Variants in RNF19B observed in about 807,000 individuals in gnomAD.
RNF19B encodes the protein ring finger protein 19B.
RNF19B carries 23 observed loss-of-function variants against 65.5 expected under a neutral mutation model. The observed-to-expected ratio is 0.35, with a 90% CI of 0.25 to 0.50. The LOEUF (loss-of-function observed/expected upper bound fraction) is 0.50. RNF19B is among the 20% of genes least tolerant of loss of function. RNF19B has a pLI of 0.98. For synonymous variants in RNF19B, 372 were observed against 379.6 expected (o/e 0.98, Z 0.23); for missense variants, 794 against 980.0 (o/e 0.81, Z 2.53).
At chr1:32,946,935 T>A (rs758842475) in intron 3 of RNF19B, among the ~76,000 whole-genome samples, 4 of 152,216 alleles carry the variant, frequency 2.6e-5, no homozygotes, top group Admixed American at 2.6e-4. Flanking sequence ...CCTGCACTAA[T>A]GAACACTCTG....
chr1:32,935,406 T>C (rs1462462813), downstream of RNF19B, among the ~76,000 whole-genome samples: 1 of 152,224 alleles, frequency 6.6e-6, no homozygotes, highest in East Asian at 1.9e-4. Context: ...CCCAAAGTGC[T>C]GGGATTACAG....
At chr1:32,959,155 T>C (rs1235087382) in intron 1 of RNF19B, among the ~76,000 whole-genome samples, 1 of 152,134 alleles carries the variant, frequency 6.6e-6, no homozygotes, top group Non-Finnish European at 1.5e-5. Context: ...AGTCTAGTTG[T>C]CTGGGAAGGC....
chr1:32,958,339 C>A lies in RNF19B; in HGVS notation c.635+5712G>T, dbSNP rs546080660. Among the ~76,000 whole-genome samples, 86 of 152,274 alleles carry A rather than the reference C, an allele frequency of 5.6e-4. 1 individual carries two copies. Among genetic ancestry groups the A allele is most frequent in the Admixed American group, 2.7e-3 (41 of 15,286 alleles). The stretch of plus-strand genomic sequence containing the variant: ...AGTATTTTCCAAGCTTATTTCCTCA[C>A]AAAACATTTTTCTTTCAAGTAATGC... On this transcript the variant is annotated intron_variant, in intron 1 of 8. Coordinates refer to ENST00000235150, the MANE Select transcript of RNF19B (RefSeq NM_001300826.2).
the RNF19B span, among the ~76,000 whole-genome samples, chr1:32,930,357 G>A: frequency 6.7e-6 from 1 of 148,212 alleles, no homozygotes; most frequent in East Asian, 2.0e-4. Flanking sequence ...TGATCCATCC[G>A]CCTCGGCCTC....
intron 7 of RNF19B, among the ~76,000 whole-genome samples, chr1:32,941,066 T>C (rs1204499441): frequency 6.6e-6 from 1 of 151,794 alleles, no homozygotes; most frequent in Non-Finnish European, 1.5e-5. Context: ...CTACAAAAAA[T>C]TTAAAATGTT....
At chr1:32,956,201 C>T (rs1642635412) in intron 1 of RNF19B, among the ~76,000 whole-genome samples, 1 of 151,770 alleles carries the variant, frequency 6.6e-6, no homozygotes. Context: ...CCCCTCTCTA[C>T]TAAAAATACA....
intron 1 of RNF19B, among the ~76,000 whole-genome samples, chr1:32,961,107 A>G (rs1246994599): frequency 6.6e-6 from 1 of 152,240 alleles, no homozygotes; most frequent in Admixed American, 6.5e-5. Context: ...GTTACTCCCT[A>G]TAACCACTTT....
At chr1:32,963,875 C>A (rs1642832871) in intron 1 of RNF19B, among the ~76,000 whole-genome samples, 176 bp downstream of exon 1, 1 of 152,210 alleles carries the variant, frequency 6.6e-6, no homozygotes, top group South Asian at 2.1e-4. Flanking sequence ...GGGCAGGGGG[C>A]GGGGTGTCGG....
chr1:32,943,743 G>C (rs1435210355), intron 6 of RNF19B, among the ~76,000 whole-genome samples: 1 of 152,158 alleles, frequency 6.6e-6, no homozygotes, highest in Non-Finnish European at 1.5e-5. Flanking sequence ...GTACTGTGCA[G>C]ATATAAAGAT....
rs190353480 is a variant in RNF19B at position 32,936,654 on chromosome 1, G to T, written c.*152C>A. The T allele has an allele frequency of 9.4e-5, 72 of 765,724 alleles. No homozygotes were observed. In the Admixed American group the frequency reaches 2.0e-3, roughly 21 times the overall value. The allele number at this position is 765,724 out of a possible 1,614,324, so 47.4% of individuals were successfully genotyped here. A position where few individuals can be genotyped will look rare whatever the true frequency, so the allele number is the denominator to read the frequency against. ...CATGTTTTATCTGGTAAGAAATTGT[G>T]AATTTCTCAGAATTTCCCTGGGCAA... On this transcript the variant is annotated 3_prime_UTR_variant, in exon 9 of 9. Coordinates refer to ENST00000235150, the MANE Select transcript of RNF19B (RefSeq NM_001300826.2).
chr1:32,932,407 CCT>C (rs1162062036), downstream of RNF19B, among the ~76,000 whole-genome samples: 5 of 152,162 alleles, frequency 3.3e-5, no homozygotes, highest in Non-Finnish European at 7.3e-5. Context: ...AAAGATAACC[CCT>C]GAATCACTCC....
chr1:32,964,336 AC>A lies in RNF19B; in HGVS notation c.349del (p.Val117TrpfsTer38). ...AEGGGPGAEE[V>X]ECPLCLVRLP... ...CCGCACCAGGCACAGCGGACACTCCACCTCCTCCGCGCCCGGGCCACCGCCC... is the reference window on the plus strand; with the variant it reads ...CCGCACCAGGCACAGCGGACACTCCACTCCTCCGCGCCCGGGCCACCGCCC... On this transcript the variant is annotated frameshift_variant, in exon 1 of 9. Coordinates refer to ENST00000235150, the MANE Select transcript of RNF19B (RefSeq NM_001300826.2). LOFTEE classifies it high-confidence loss of function. The surrounding 1 kb of genome is among the most constrained non-coding windows in gnomAD (Gnocchi z 6.5). The A allele has an allele frequency of 6.9e-7, 1 of 1,452,592 alleles. No homozygotes were observed. Among genetic ancestry groups the A allele is most frequent in the Non-Finnish European group, 9.0e-7 (1 of 1,107,428 alleles). The allele number at this position is 1,452,592 out of a possible 1,614,324, so 90.0% of individuals were successfully genotyped here. A position where few individuals can be genotyped will look rare whatever the true frequency, so the allele number is the denominator to read the frequency against.
intron 1 of RNF19B, among the ~76,000 whole-genome samples, chr1:32,963,798 T>A (rs1235461824): frequency 2.7e-5 from 4 of 150,580 alleles, no homozygotes; most frequent in African/African-American, 7.3e-5. Context: ...AAACCGCCTC[T>A]CCCTGTCTCC....
chr1:32,962,392 G>A lies in RNF19B; in HGVS notation c.635+1659C>T, dbSNP rs570192908. ...CATAGACAGTTCCATGAACCTAAAA[G>A]GTCCTTCCTGATACTTATTAACTGA... is the stretch of plus-strand genomic sequence containing the variant. On this transcript the variant is annotated intron_variant, in intron 1 of 8. Coordinates refer to ENST00000235150, the MANE Select transcript of RNF19B (RefSeq NM_001300826.2). Among the ~76,000 whole-genome samples the A allele has an allele frequency of 2.0e-5, 3 of 152,262 alleles. No homozygotes were observed. The East Asian group carries it at 5.8e-4, about 29-fold the overall frequency.
chr1:32,958,670 T>G (rs1642699594), intron 1 of RNF19B, among the ~76,000 whole-genome samples: 1 of 151,572 alleles, frequency 6.6e-6, no homozygotes, highest in Non-Finnish European at 1.5e-5. Context: ...GAGCCGAGAT[T>G]GCACCACTGC....
chr1:32,946,930 A>T lies in RNF19B; in HGVS notation c.984-366T>A, dbSNP rs574018310. 3.3e-5 allele frequency among the ~76,000 whole-genome samples: 5 copies of T among 152,332 alleles called. 1 individual carries two copies. The South Asian group carries it at 1.0e-3, about 32-fold the overall frequency. On this transcript the variant is annotated intron_variant, in intron 3 of 8. Coordinates refer to ENST00000235150, the MANE Select transcript of RNF19B (RefSeq NM_001300826.2). Reference sequence around the variant, plus strand: ...CCCATCCAGACACACTGCACCCTGCACTAATGAACACTCTGATTTGTGTAG... The same window carrying T: ...CCCATCCAGACACACTGCACCCTGCTCTAATGAACACTCTGATTTGTGTAG...
At chr1:32,952,962 ATTTTTTTT>A (rs71278768) in intron 1 of RNF19B, among the ~76,000 whole-genome samples, 18 of 120,026 alleles carry the variant, frequency 1.5e-4, no homozygotes, top group East Asian at 6.9e-4. Flanking sequence ...TAATCACACA[ATTTTTTTT>A]TTTTTTTTTT....
At chr1:32,963,670 A>G (rs1272301424) in intron 1 of RNF19B, among the ~76,000 whole-genome samples, 1 of 151,266 alleles carries the variant, frequency 6.6e-6, no homozygotes, top group Non-Finnish European at 1.5e-5. Context: ...GTGAGCCGAG[A>G]TCGCGCCATT....
At chr1:32,932,904 T>C (rs1183618768), downstream of RNF19B, among the ~76,000 whole-genome samples, 3 of 145,714 alleles carry the variant, frequency 2.1e-5, no homozygotes, top group Non-Finnish European at 4.7e-5. Context: ...CTTTGTAGTT[T>C]ATTCCTCATG....
Sources: allele counts gnomAD v4.1 joint callset (sites outside exome capture counted in the v4.1 genomes callset), GRCh38; gene constraint gnomAD v4.1.1; non-coding constraint Gnocchi (gnomAD v3.1); transcripts MANE v1.5; gene names NCBI Gene and HGNC (gene_info 2026-07-23, HGNC 2026-07-21).